The following BAIAP2L1 variants were observed in gnomAD, a reference collection of about 807,000 sequenced individuals.
The protein encoded by BAIAP2L1 is BAR/IMD domain containing adaptor protein 2 like 1, also known as BAR/IMD domain-containing adapter protein 2-like 1.
Under a neutral mutation model 66.3 loss-of-function variants are expected in BAIAP2L1, and 35 were observed. The ratio of observed to expected loss-of-function variants is 0.53; its 90% CI spans 0.40 to 0.70. The LOEUF is 0.70. BAIAP2L1 is among the 30% of genes least tolerant of loss of function. BAIAP2L1 has a pLI of 0.00. For missense variants in BAIAP2L1, 622 were observed against 656.9 expected (o/e 0.95, Z 0.58); for synonymous variants, 269 against 248.7 (o/e 1.08, Z -0.77).
At chr7:98,332,761 A>T (rs1801526926) in intron 3 of BAIAP2L1, among the ~76,000 whole-genome samples, 1 of 148,292 alleles carries the variant, frequency 6.7e-6, no homozygotes, top group Non-Finnish European at 1.5e-5. Flanking sequence ...GTGAGCCGAG[A>T]TCACGCCGCT....
At chr7:98,297,273 CCCCTT>C (rs1333869745) in intron 12 of BAIAP2L1, among the ~76,000 whole-genome samples, 1 of 152,190 alleles carries the variant, frequency 6.6e-6, no homozygotes, top group Non-Finnish European at 1.5e-5. Flanking sequence ...TGGTCCACAC[CCCCTT>C]CCCGACTGTA....
chr7:98,297,536 G>A lies in BAIAP2L1; in HGVS notation c.1423-3425C>T, dbSNP rs780936934. Among the ~76,000 whole-genome samples, 5 of 152,198 alleles carry A rather than the reference G, an allele frequency of 3.3e-5. No individual in the cohort carries two copies. The East Asian group carries it at 9.6e-4, about 29-fold the overall frequency. ...ACATTTCCAAGCCAGCTGGAGGCCA[G>A]TTACTCGCAACAAAAGTGGCCCTCA... On this transcript the variant is annotated intron_variant, in intron 12 of 13. Coordinates refer to ENST00000005260, the MANE Select transcript of BAIAP2L1 (RefSeq NM_018842.5).
At chr7:98,378,746 G>A (rs754902953) in intron 1 of BAIAP2L1, among the ~76,000 whole-genome samples, 71 of 150,216 alleles carry the variant, frequency 4.7e-4, no homozygotes, top group Non-Finnish European at 8.4e-4. Flanking sequence ...AGCAGTTCTC[G>A]TGCCTCAGCC....
chr7:98,398,710 T>C (rs545887473), intron 1 of BAIAP2L1, among the ~76,000 whole-genome samples: 11 of 152,278 alleles, frequency 7.2e-5, no homozygotes, highest in East Asian at 5.8e-4. Context: ...GCCCAAGTGG[T>C]TGGCATTTGT....
chr7:98,378,760 C>G (rs895847328), intron 1 of BAIAP2L1, among the ~76,000 whole-genome samples: 1 of 152,040 alleles, frequency 6.6e-6, no homozygotes, highest in Non-Finnish European at 1.5e-5. Context: ...CTCAGCCTCT[C>G]CAGCAGCTGG....
intron 12 of BAIAP2L1, among the ~76,000 whole-genome samples, chr7:98,302,108 C>T (rs1454352334): frequency 6.6e-6 from 1 of 152,196 alleles, no homozygotes; most frequent in Non-Finnish European, 1.5e-5. Flanking sequence ...AGCCAGGTCA[C>T]CTTTCCACTC....
At chr7:98,359,430 G>A (rs1050921907) in intron 2 of BAIAP2L1, among the ~76,000 whole-genome samples, 17 of 151,956 alleles carry the variant, frequency 1.1e-4, no homozygotes, top group Middle Eastern at 3.4e-3. Context: ...CCGCCACCAC[G>A]CCTGGCTAAT....
intron 1 of BAIAP2L1, among the ~76,000 whole-genome samples, chr7:98,391,000 A>ATTT (rs10538495): frequency 2.1e-5 from 3 of 144,272 alleles, no homozygotes; most frequent in East Asian, 4.3e-4. Flanking sequence ...CACCCAGCTA[A>ATTT]TTTTTTTTTT....
chr7:98,393,073 A>ATATATATACATGTACATATATATG, intron 1 of BAIAP2L1, among the ~76,000 whole-genome samples: 1 of 110,526 alleles, frequency 9.0e-6, no homozygotes, highest in Non-Finnish European at 1.8e-5. Context: ...ACATATATGT[A>ATATATATACATGTACATATATATG]TACACACACA....
chr7:98,380,690 C>T (rs1427660016), intron 1 of BAIAP2L1, among the ~76,000 whole-genome samples: 6 of 150,766 alleles, frequency 4.0e-5, no homozygotes, highest in Admixed American at 1.3e-4. Context: ...ACCTCAGCCT[C>T]CTAAAAAGTG....
intron 3 of BAIAP2L1, among the ~76,000 whole-genome samples, chr7:98,331,609 C>T (rs1801497503): frequency 6.6e-6 from 1 of 151,574 alleles, no homozygotes; most frequent in African/African-American, 2.4e-5. Context: ...GCTGGGATTA[C>T]AGGCATGCAC....
At chr7:98,375,880 C>G (rs60282356) in intron 1 of BAIAP2L1, among the ~76,000 whole-genome samples, 2 of 152,066 alleles carry the variant, frequency 1.3e-5, no homozygotes, top group Non-Finnish European at 2.9e-5. Context: ...AAGTCTCATA[C>G]CCTTTCTTTT....
At chr7:98,311,463 C>A (rs1314379965) in intron 8 of BAIAP2L1, among the ~76,000 whole-genome samples, 1 of 150,746 alleles carries the variant, frequency 6.6e-6, no homozygotes, top group African/African-American at 2.4e-5. Flanking sequence ...ATGGCGTGAA[C>A]CCAGGAGACG....
chr7:98,348,635 T>C (rs1039439619), intron 3 of BAIAP2L1, among the ~76,000 whole-genome samples: 1 of 151,984 alleles, frequency 6.6e-6, no homozygotes, highest in Non-Finnish European at 1.5e-5. Flanking sequence ...ACTTACTTTA[T>C]GAGAAGAATG....
At chr7:98,391,605 G>C (rs201185584) in intron 1 of BAIAP2L1, among the ~76,000 whole-genome samples, 2 of 151,696 alleles carry the variant, frequency 1.3e-5, no homozygotes, top group Non-Finnish European at 2.9e-5. Flanking sequence ...CCAGTTACTC[G>C]GGAGGCTGAG....
intron 1 of BAIAP2L1, among the ~76,000 whole-genome samples, chr7:98,393,413 G>C (rs1803119424): frequency 6.6e-6 from 1 of 151,782 alleles, no homozygotes; most frequent in Non-Finnish European, 1.5e-5. Flanking sequence ...GCTCGGAGTG[G>C]GGTGCAAAGT....
chr7:98,385,697 A>G (rs1254398376), intron 1 of BAIAP2L1: 3 of 990,268 alleles, frequency 3.0e-6, no homozygotes, highest in Non-Finnish European at 4.5e-6. Flanking sequence ...TATAGGCAGG[A>G]GCCCCCACAC....
At chr7:98,301,667 GTGTGTGTGTGCACACGCGCGTC>G (rs1446647734) in intron 12 of BAIAP2L1, among the ~76,000 whole-genome samples, 3 of 152,106 alleles carry the variant, frequency 2.0e-5, no homozygotes, top group Non-Finnish European at 4.4e-5. Context: ...ATGATGGTGT[GTGTGTGTGTGCACACGCGCGTC>G]TGTGTGTGTG....
At chr7:98,376,407 A>G (rs1347690024) in intron 1 of BAIAP2L1, among the ~76,000 whole-genome samples, 1 of 152,018 alleles carries the variant, frequency 6.6e-6, no homozygotes, top group Non-Finnish European at 1.5e-5. Context: ...AGCTACTTAG[A>G]GGCTGAGATG....
Sources: allele counts gnomAD v4.1 joint callset (sites outside exome capture counted in the v4.1 genomes callset), GRCh38; gene constraint gnomAD v4.1.1; transcripts MANE v1.5; gene names NCBI Gene and HGNC (gene_info 2026-07-23, HGNC 2026-07-21).